Variants in PALM2AKAP2 observed in about 807,000 individuals in gnomAD.
PALM2AKAP2 encodes the protein PALM2-AKAP2 fusion protein.
PALM2AKAP2 carries 37 observed loss-of-function variants against 71.5 expected under a neutral mutation model. The observed-to-expected ratio is 0.52, with a 90% CI of 0.40 to 0.68. The LOEUF (loss-of-function observed/expected upper bound fraction) is 0.68. PALM2AKAP2 is among the 30% of genes least tolerant of loss of function. PALM2AKAP2 has a pLI of 0.00. For missense variants in PALM2AKAP2, 1,224 were observed against 1,191.8 expected (o/e 1.03, Z -0.40); for synonymous variants, 468 against 478.8 (o/e 0.98, Z 0.29).
In PALM2AKAP2 at chr9:110,057,387, TTG is replaced by T. The variant is rs1564282905; in HGVS notation, c.156+8534_156+8535del. On this transcript the variant is annotated intron_variant, in intron 1 of 3. Transcript: ENST00000374525. ...CTCTGTTTTTTTTTTTTTTGTTTTT[TTG>T]TTTTTTTTTTTGCAACAGAGACTCG... Among the ~76,000 whole-genome samples, 234 of 126,816 alleles carry T rather than the reference TTG, an allele frequency of 1.8e-3. 3 individuals carry two copies. The South Asian group carries it at 0.033, about 18-fold the overall frequency. The allele number at this position is 126,816 out of a possible 152,430, so 83.2% of individuals were successfully genotyped here. A position where few individuals can be genotyped will look rare whatever the true frequency, so the allele number is the denominator to read the frequency against.
intron 2 of PALM2AKAP2, among the ~76,000 whole-genome samples, chr9:109,875,546 T>C (rs57907132): frequency 0.014 from 2,199 of 152,300 alleles, 29 homozygotes; most frequent in South Asian, 0.033. Context: ...ATTATGGTGT[T>C]TGACCAGCCA....
intron 3 of PALM2AKAP2, among the ~76,000 whole-genome samples, chr9:109,884,932 A>T (rs1426789059): frequency 6.6e-6 from 1 of 152,240 alleles, no homozygotes; most frequent in Non-Finnish European, 1.5e-5. Flanking sequence ...TTTAGTTTAG[A>T]TAACAAAAGG....
At chr9:109,819,896 A>G (rs1037696292) in intron 1 of PALM2AKAP2, among the ~76,000 whole-genome samples, 1 of 152,228 alleles carries the variant, frequency 6.6e-6, no homozygotes, top group African/African-American at 2.4e-5. Flanking sequence ...TGAGAGCATG[A>G]GCACAAAGAA....
At chr9:109,666,428 A>G (rs141326959) in intron 1 of PALM2AKAP2, among the ~76,000 whole-genome samples, 1 of 152,186 alleles carries the variant, frequency 6.6e-6, no homozygotes, top group South Asian at 2.1e-4. Flanking sequence ...TGTATTTTTC[A>G]TTAAATGGAA....
intron 3 of PALM2AKAP2, among the ~76,000 whole-genome samples, chr9:109,917,676 T>TG (rs1247012936): frequency 6.6e-6 from 1 of 151,866 alleles, no homozygotes; most frequent in African/African-American, 2.4e-5. Context: ...TTTGTAGAGG[T>TG]GGGGGTCTTG....
upstream of PALM2AKAP2, among the ~76,000 whole-genome samples, chr9:109,779,853 G>GT (rs1340455278): frequency 1.3e-5 from 2 of 152,132 alleles, no homozygotes; most frequent in African/African-American, 4.8e-5. Flanking sequence ...CAGCCCCCAC[G>GT]TAACAGCACG....
chr9:109,931,477 A>G (rs1253533146), intron 5 of PALM2AKAP2, among the ~76,000 whole-genome samples: 1 of 152,254 alleles, frequency 6.6e-6, no homozygotes, highest in African/African-American at 2.4e-5. Flanking sequence ...AGTTCAGGGA[A>G]TGAACCCCAT....
intron 6 of PALM2AKAP2, among the ~76,000 whole-genome samples, chr9:109,951,834 C>T (rs1423538449): frequency 6.6e-6 from 1 of 152,180 alleles, no homozygotes; most frequent in African/African-American, 2.4e-5. Context: ...ATCCAATCTC[C>T]CAACATGTCC....
rs540220833 is a variant in PALM2AKAP2, at chr9:109,916,858, AG to A, written c.258-6875del. ...GACATACTATTGCCCCTGTGGACAT[AG>A]GATTACTGCTCTGCCTATAGCATCA... On this transcript the variant is annotated intron_variant, in intron 3 of 9. Coordinates refer to the PALM2AKAP2 transcript ENST00000302798. 9.2e-5 allele frequency among the ~76,000 whole-genome samples: 14 copies of A among 152,348 alleles called. No homozygotes were observed. The South Asian group carries it at 1.0e-3, about 11-fold the overall frequency.
At chr9:109,911,791 G>A (rs1830575169) in intron 3 of PALM2AKAP2, among the ~76,000 whole-genome samples, 1 of 152,312 alleles carries the variant, frequency 6.6e-6, no homozygotes, top group South Asian at 2.1e-4. Context: ...AGGGAAGAAT[G>A]TGAGGTACAG....
intron 5 of PALM2AKAP2, among the ~76,000 whole-genome samples, chr9:109,929,658 A>C (rs1831045030): frequency 6.6e-6 from 1 of 151,838 alleles, no homozygotes; most frequent in African/African-American, 2.4e-5. Flanking sequence ...AGGTCAGGAG[A>C]TCGAGACCAT....
intron 2 of PALM2AKAP2, among the ~76,000 whole-genome samples, 174 bp from the exon 3 acceptor site, chr9:109,880,377 T>A (rs1829817911): frequency 1.3e-5 from 2 of 152,102 alleles, no homozygotes; most frequent in South Asian, 4.1e-4. Context: ...TAGAGATAAA[T>A]CTCCTTGGGT....
At chr9:110,027,418 G>C (rs1220116843) in intron 7 of PALM2AKAP2, among the ~76,000 whole-genome samples, 1 of 152,082 alleles carries the variant, frequency 6.6e-6, no homozygotes, top group African/African-American at 2.4e-5. Context: ...TTGCCCTCTT[G>C]TCCATATATA....
At chr9:110,046,699 C>T (rs1833603693), upstream of PALM2AKAP2, among the ~76,000 whole-genome samples, 2 of 152,068 alleles carry the variant, frequency 1.3e-5, no homozygotes, top group South Asian at 4.1e-4. Context: ...AACTCCCGAC[C>T]TCAGATGATC....
At chr9:109,736,484 C>T (rs954508514) in intron 1 of PALM2AKAP2, among the ~76,000 whole-genome samples, 1 of 152,092 alleles carries the variant, frequency 6.6e-6, no homozygotes, top group Non-Finnish European at 1.5e-5. Flanking sequence ...ATTAGTTATT[C>T]TTTCTTTAGT....
intron 1 of PALM2AKAP2, among the ~76,000 whole-genome samples, chr9:109,841,515 T>A (rs865866952): frequency 3.9e-3 from 72 of 18,680 alleles, no homozygotes; most frequent in Admixed American, 5.3e-3. Flanking sequence ...TAAAGTATAA[T>A]AAAAAAAAAA....
intron 1 of PALM2AKAP2, among the ~76,000 whole-genome samples, chr9:110,093,802 G>A (rs1345556857): frequency 6.6e-6 from 1 of 152,106 alleles, no homozygotes; most frequent in Non-Finnish European, 1.5e-5. Context: ...CTCTCCCGTT[G>A]ACCAGACTCA....
intron 1 of PALM2AKAP2, among the ~76,000 whole-genome samples, chr9:109,642,652 G>T (rs1369872206): frequency 6.6e-6 from 1 of 151,284 alleles, no homozygotes; most frequent in Non-Finnish European, 1.5e-5. Context: ...TGACCTCCTG[G>T]GCTCAAACAA....
At chr9:109,790,342 TTC>T (rs1827081778) in intron 1 of PALM2AKAP2, among the ~76,000 whole-genome samples, 1 of 152,176 alleles carries the variant, frequency 6.6e-6, no homozygotes, top group African/African-American at 2.4e-5. Flanking sequence ...GGTGGGATTT[TTC>T]CCCCCTCTGC....
Sources: gnomAD v4.1 joint callset for allele counts (sites outside exome capture counted in the v4.1 genomes callset) on GRCh38, gnomAD v4.1.1 for gene constraint, MANE v1.5 for transcripts, NCBI Gene and HGNC (gene_info 2026-07-23, HGNC 2026-07-21) for gene names.